The following PTPN2 variants were observed in gnomAD, a reference collection of about 807,000 sequenced individuals.
PTPN2 encodes tyrosine-protein phosphatase non-receptor type 2.
In PTPN2, 19 loss-of-function variants were observed where a neutral mutation model predicts 57.3. The observed-to-expected ratio is 0.33, with a 90% CI of 0.23 to 0.49. PTPN2 has a LOEUF of 0.49. Ranked by LOEUF, PTPN2 falls within the 20% of genes least tolerant of loss-of-function variation. The probability of loss-of-function intolerance (pLI) is 0.99; values close to 1 mark genes in which losing one functional copy is unlikely to be tolerated. For synonymous variants in PTPN2, 153 were observed against 164.9 expected (o/e 0.93, Z 0.55); for missense variants, 358 against 501.1 (o/e 0.71, Z 2.73).
At chr18:12,844,688 C>T (rs2043156864) in intron 2 of PTPN2, among the ~76,000 whole-genome samples, 3 of 152,100 alleles carry the variant, frequency 2.0e-5, no homozygotes, top group Non-Finnish European at 4.4e-5. Flanking sequence ...ACATTTTCTC[C>T]AAGTCTGTAC....
intron 8 of PTPN2, among the ~76,000 whole-genome samples, chr18:12,800,308 T>C (rs1410157273): frequency 2.0e-5 from 3 of 152,146 alleles, no homozygotes; most frequent in Admixed American, 1.3e-4. Context: ...AAGAATGCCA[T>C]TTCAGTCATC....
chr18:12,791,793 G>A (rs2040988633), downstream of PTPN2, among the ~76,000 whole-genome samples: 1 of 152,144 alleles, frequency 6.6e-6, no homozygotes, highest in Non-Finnish European at 1.5e-5. Context: ...AAAGCATACA[G>A]AAAGCAAAGC....
chr18:12,789,231 C>T (rs2040919901), downstream of PTPN2, among the ~76,000 whole-genome samples: 1 of 152,138 alleles, frequency 6.6e-6, no homozygotes, highest in Admixed American at 6.5e-5. Context: ...CAAGCCAGGC[C>T]CAGTCAGGGC....
At chr18:12,798,189 G>A (rs139829808) in intron 8 of PTPN2, among the ~76,000 whole-genome samples, 1 of 152,234 alleles carries the variant, frequency 6.6e-6, no homozygotes, top group Admixed American at 6.5e-5. Context: ...GGTACACAAT[G>A]TATATGTAAA....
intron 7 of PTPN2, among the ~76,000 whole-genome samples, chr18:12,804,587 T>G (rs1598746820): frequency 6.6e-6 from 1 of 151,716 alleles, no homozygotes; most frequent in South Asian, 2.1e-4. Flanking sequence ...CAAAGTATTG[T>G]AAGAGACTAT....
rs369311272 is a variant in PTPN2, at chr18:12,785,860, A to G, written c.1143-16T>C. 18 of 1,593,604 alleles carry G rather than the reference A, an allele frequency of 1.1e-5. No individual in the cohort carries two copies. The African/African-American group carries it at 2.1e-4, about 19-fold the overall frequency. The stretch of plus-strand genomic sequence containing the variant: ...CAATCTTGGCCTAAAACATAAAATA[A>G]GAAGTCATCTATTCAATTCATATTT... On this transcript the variant is annotated splice_polypyrimidine_tract_variant and intron_variant, in intron 9 of 9. Coordinates refer to the PTPN2 transcript ENST00000327283.
chr18:12,854,287 G>A (rs967586739), intron 2 of PTPN2, among the ~76,000 whole-genome samples: 1 of 151,166 alleles, frequency 6.6e-6, no homozygotes, highest in Non-Finnish European at 1.5e-5. Flanking sequence ...CTGAGCCTGG[G>A]AGGCGGAGGT....
At chr18:12,794,599 G>T in intron 8 of PTPN2, 114 bp from the exon 9 acceptor site, 1 of 1,258,484 alleles carries the variant, frequency 7.9e-7, no homozygotes, top group Non-Finnish European at 1.1e-6. Context: ...CACCCTATTT[G>T]AACACTGGAA....
At chr18:12,794,595 A>C (rs1377838328) in intron 8 of PTPN2, 110 bp from the exon 9 acceptor site, 4 of 1,279,794 alleles carry the variant, frequency 3.1e-6, no homozygotes, top group Non-Finnish European at 4.2e-6. Context: ...TTTTCACCCT[A>C]TTTGAACACT....
intron 7 of PTPN2, among the ~76,000 whole-genome samples, chr18:12,809,013 A>T (rs1258319137): frequency 6.6e-6 from 1 of 152,008 alleles, no homozygotes; most frequent in South Asian, 2.1e-4. Flanking sequence ...TAACGGTGAG[A>T]TCTCCAAGCT....
chr18:12,854,167 T>C (rs1275653808), intron 2 of PTPN2, among the ~76,000 whole-genome samples: 1 of 151,960 alleles, frequency 6.6e-6, no homozygotes, highest in Admixed American at 6.6e-5. Flanking sequence ...GAGACCAGCC[T>C]GGGCAACATG....
intron 2 of PTPN2, among the ~76,000 whole-genome samples, chr18:12,852,122 A>G (rs2145447008): frequency 6.6e-6 from 1 of 152,078 alleles, no homozygotes; most frequent in South Asian, 2.1e-4. Context: ...AATCTATTGT[A>G]CAACAATGTG....
chr18:12,794,018 T>C lies in PTPN2; in HGVS notation c.*260A>G, dbSNP rs1026908015. On this transcript the variant is annotated 3_prime_UTR_variant, in exon 9 of 9. Transcript: ENST00000309660. ...AAATACTGTGTTTGACATGTATGAATACAGTTGCAAAATTTACCAGTTTTT... is the reference window on the plus strand; with the variant it reads ...AAATACTGTGTTTGACATGTATGAACACAGTTGCAAAATTTACCAGTTTTT... 3.7e-6 allele frequency: 5 copies of C among 1,356,410 alleles called. No homozygotes were observed. Among genetic ancestry groups the C allele is most frequent in the African/African-American group, 1.5e-5 (1 of 68,348 alleles). 84.0% of individuals were successfully genotyped at this position (1,356,410 alleles called of 1,614,324 possible). A position where few individuals can be genotyped will look rare whatever the true frequency, so the allele number is the denominator to read the frequency against.
At chr18:12,815,503 G>C (rs2042045631) in intron 6 of PTPN2, among the ~76,000 whole-genome samples, 2 of 152,064 alleles carry the variant, frequency 1.3e-5, no homozygotes, top group African/African-American at 4.8e-5. Context: ...CGATAACACT[G>C]CTGAGCTACA....
At position 12,809,094 on chromosome 18, in the gene PTPN2, G is replaced by A. The variant is rs537201020; in HGVS notation, c.858+5109C>T. Reference sequence around the variant, plus strand: ...GTACGCTAGCAGCTCCAGGCAGCTGGCTAGCCCACCACTGGGCTAGAGAAA... The same window carrying A: ...GTACGCTAGCAGCTCCAGGCAGCTGACTAGCCCACCACTGGGCTAGAGAAA... On this transcript the variant is annotated intron_variant, in intron 7 of 8. Transcript: ENST00000309660. Among the ~76,000 whole-genome samples, 175 of 152,284 alleles carry A rather than the reference G, an allele frequency of 1.1e-3. 1 individual carries two copies. Among genetic ancestry groups the A allele is most frequent in the Non-Finnish European group, 6.0e-4 (41 of 68,030 alleles).
At position 12,840,644 on chromosome 18, in the gene PTPN2, C is replaced by T. The variant is rs116295148; in HGVS notation, c.161-3753G>A. ...CCATCGCACTGTCACTCAGGGAAGT[C>T]AAGTCATCACAAGTGTAACACACTA... On this transcript the variant is annotated intron_variant, in intron 2 of 8. Coordinates refer to ENST00000309660, the MANE Select transcript of PTPN2 (RefSeq NM_002828.4). 1,177 of 1,540,064 alleles carry T rather than the reference C, an allele frequency of 7.6e-4. 7 individuals carry two copies. In the African/African-American group the frequency reaches 0.014, roughly 19 times the overall value.
chr18:12,813,420 T>C (rs1362345722), intron 7 of PTPN2, among the ~76,000 whole-genome samples: 1 of 152,224 alleles, frequency 6.6e-6, no homozygotes, highest in Non-Finnish European at 1.5e-5. Flanking sequence ...AAGAATATTT[T>C]AATGCTATTT....
At chr18:12,849,232 T>C (rs1598844551) in intron 2 of PTPN2, among the ~76,000 whole-genome samples, 1 of 152,330 alleles carries the variant, frequency 6.6e-6, no homozygotes, top group Admixed American at 6.5e-5. Flanking sequence ...GATAATCATA[T>C]GGCTCTTTCT....
intron 1 of PTPN2, chr18:12,862,536 C>T (rs1326311126): frequency 1.3e-5 from 2 of 152,234 alleles, no homozygotes; most frequent in African/African-American, 4.8e-5. Flanking sequence ...AACTATTTGT[C>T]CCAGCCTCTA....
Sources: allele counts gnomAD v4.1 joint callset (sites outside exome capture counted in the v4.1 genomes callset), GRCh38; gene constraint gnomAD v4.1.1; transcripts MANE v1.5; gene names NCBI Gene and HGNC (gene_info 2026-07-23, HGNC 2026-07-21).